The following RBFOX1 variants were observed in gnomAD, a reference collection of about 807,000 sequenced individuals.
The protein encoded by RBFOX1 is RNA binding protein fox-1 homolog 1.
A neutral mutation model predicts 57.7 loss-of-function variants in RBFOX1; 8 were observed. That is an observed-to-expected ratio of 0.14 (90% CI 0.08 to 0.25). RBFOX1 has a LOEUF of 0.25. Ranked by LOEUF, RBFOX1 falls within the 10% of genes least tolerant of loss-of-function variation. The pLI is 1.00. For missense variants in RBFOX1, 611 were observed against 548.5 expected (o/e 1.11, Z -1.14); for synonymous variants, 326 against 222.4 (o/e 1.47, Z -4.15).
chr16:5,710,307 G>A (rs1022320011), intron 3 of RBFOX1, among the ~76,000 whole-genome samples: 1 of 152,160 alleles, frequency 6.6e-6, no homozygotes, highest in Non-Finnish European at 1.5e-5. Context: ...TGGCAACCAT[G>A]CTTTTGTTTG....
At chr16:7,032,823 T>G (rs2153694090) in intron 3 of RBFOX1, among the ~76,000 whole-genome samples, 1 of 152,310 alleles carries the variant, frequency 6.6e-6, no homozygotes, top group South Asian at 2.1e-4. Context: ...GTTTGGTGTC[T>G]CCAGGCTCAT....
At chr16:7,541,696 G>A (rs1003997470) in intron 5 of RBFOX1, among the ~76,000 whole-genome samples, 2 of 152,224 alleles carry the variant, frequency 1.3e-5, no homozygotes, top group African/African-American at 4.8e-5. Context: ...CATTGGAATG[G>A]AGTGAATGCA....
At chr16:7,579,643 T>G in intron 5 of RBFOX1, 134 bp from the exon 6 acceptor site, 1 of 1,065,722 alleles carries the variant, frequency 9.4e-7, no homozygotes, top group South Asian at 1.5e-5. Flanking sequence ...CATGCATGCA[T>G]GCGTCAGCAT....
chr16:5,339,560 G>A (rs1035649077), intron 1 of RBFOX1, among the ~76,000 whole-genome samples: 10 of 129,826 alleles, frequency 7.7e-5, no homozygotes, highest in African/African-American at 2.9e-4. Context: ...TTAGCTCACT[G>A]CAAGCTTCAA....
At chr16:6,335,086 C>T (rs997589377) in intron 2 of RBFOX1, among the ~76,000 whole-genome samples, 2 of 152,218 alleles carry the variant, frequency 1.3e-5, no homozygotes, top group Non-Finnish European at 2.9e-5. Context: ...ATTGTAGGAA[C>T]ATTTTTCTGC....
chr16:5,650,131 A>G (rs2049186310), intron 3 of RBFOX1, among the ~76,000 whole-genome samples: 1 of 152,222 alleles, frequency 6.6e-6, no homozygotes, highest in African/African-American at 2.4e-5. Context: ...TGGTTTCGAC[A>G]GGGACTCAAC....
At chr16:7,107,397 C>T (rs1269214108) in intron 4 of RBFOX1, among the ~76,000 whole-genome samples, 1 of 152,134 alleles carries the variant, frequency 6.6e-6, no homozygotes, top group Non-Finnish European at 1.5e-5. Context: ...AGGGTGGAGG[C>T]TGGACCTCAC....
chr16:6,750,176 G>A (rs1390370575), intron 3 of RBFOX1, among the ~76,000 whole-genome samples: 3 of 152,166 alleles, frequency 2.0e-5, no homozygotes, highest in African/African-American at 7.2e-5. Flanking sequence ...ATGGGATGCA[G>A]GAGAAGGAAA....
intron 1 of RBFOX1, among the ~76,000 whole-genome samples, chr16:6,039,361 A>AC (rs1260375598): frequency 6.6e-6 from 1 of 151,806 alleles, no homozygotes; most frequent in East Asian, 1.9e-4. Context: ...AAAAAAAAAA[A>AC]AAAACAGAAC....
At chr16:5,333,456 G>T (rs1214915482) in intron 1 of RBFOX1, among the ~76,000 whole-genome samples, 1 of 152,022 alleles carries the variant, frequency 6.6e-6, no homozygotes, top group South Asian at 2.1e-4. Flanking sequence ...AATAGGAAGA[G>T]TTTACAGATC....
chr16:7,245,442 G>A (rs1012948616), intron 4 of RBFOX1, among the ~76,000 whole-genome samples: 2 of 123,046 alleles, frequency 1.6e-5, no homozygotes, highest in Admixed American at 7.9e-5. Context: ...TTAGTTGAAT[G>A]TTTGAAACTC....
At position 6,145,414 on chromosome 16, in the gene RBFOX1, A is replaced by G. The variant is rs144134375; in HGVS notation, c.-127+125422A>G. Among the ~76,000 whole-genome samples, 684 of 151,790 alleles carry G rather than the reference A, an allele frequency of 4.5e-3. 7 individuals carry two copies. The highest frequency in any genetic ancestry group is 0.016 in the African/African-American group (652 of 41,332). ...GTATTCCATGGTGTATATGTACCAT[A>G]TTTTCTTTATTCCATCTGTCATTGA... On this transcript the variant is annotated intron_variant, in intron 1 of 15. Coordinates refer to ENST00000550418, the MANE Select transcript of RBFOX1 (RefSeq NM_018723.4).
intron 4 of RBFOX1, among the ~76,000 whole-genome samples, chr16:7,130,612 C>G (rs995521236): frequency 1.3e-5 from 2 of 152,128 alleles, no homozygotes; most frequent in African/African-American, 4.8e-5. Context: ...TATGTAGGGT[C>G]TGCAGTGGTG....
intron 1 of RBFOX1, among the ~76,000 whole-genome samples, chr16:6,231,581 T>G (rs2097460558): frequency 6.6e-6 from 1 of 152,328 alleles, no homozygotes; most frequent in Non-Finnish European, 1.5e-5. Flanking sequence ...CAGAATTTAG[T>G]TGCCTAGGCT....
intron 4 of RBFOX1, among the ~76,000 whole-genome samples, chr16:7,263,694 G>A (rs2095016372): frequency 6.6e-6 from 1 of 151,890 alleles, no homozygotes; most frequent in African/African-American, 2.4e-5. Flanking sequence ...TCAGGAGTTC[G>A]AGACCAGCCT....
At chr16:5,675,449 A>G (rs2050137911) in intron 3 of RBFOX1, among the ~76,000 whole-genome samples, 1 of 152,188 alleles carries the variant, frequency 6.6e-6, no homozygotes, top group African/African-American at 2.4e-5. Context: ...TGAACAATAG[A>G]GAACTCAGCT....
intron 3 of RBFOX1, among the ~76,000 whole-genome samples, chr16:7,044,414 A>G (rs938271514): frequency 6.6e-6 from 1 of 152,190 alleles, no homozygotes; most frequent in Non-Finnish European, 1.5e-5. Flanking sequence ...AAGGATGAAA[A>G]AGGCTGAGTG....
At chr16:7,647,320 G>A (rs1418831201) in intron 11 of RBFOX1, among the ~76,000 whole-genome samples, 1 of 152,142 alleles carries the variant, frequency 6.6e-6, no homozygotes, top group East Asian at 1.9e-4. Flanking sequence ...TTTAGCTTAT[G>A]AGCTGAATCC....
chr16:6,262,958 G>T (rs1191014484), intron 1 of RBFOX1, among the ~76,000 whole-genome samples: 2 of 152,198 alleles, frequency 1.3e-5, no homozygotes, highest in African/African-American at 4.8e-5. Context: ...GCCCGCTTTA[G>T]ATGTGGAGTA....
Sources: gnomAD v4.1 joint callset for allele counts (sites outside exome capture counted in the v4.1 genomes callset) on GRCh38, gnomAD v4.1.1 for gene constraint, MANE v1.5 for transcripts, NCBI Gene and HGNC (gene_info 2026-07-23, HGNC 2026-07-21) for gene names.